The following EXOC4 variants were observed in gnomAD, a reference collection of about 807,000 sequenced individuals.
EXOC4 encodes SEC8-like 1.
A neutral mutation model predicts 107.2 loss-of-function variants in EXOC4; 71 were observed. That is an observed-to-expected ratio of 0.66 (90% CI 0.55 to 0.81). EXOC4 has a LOEUF of 0.81. Ranked by LOEUF, EXOC4 falls within the 30% of genes least tolerant of loss-of-function variation. The pLI is 0.00. For missense variants in EXOC4, 1,108 were observed against 1,189.6 expected (o/e 0.93, Z 1.01); for synonymous variants, 456 against 441.2 (o/e 1.03, Z -0.42).
intron 7 of EXOC4, among the ~76,000 whole-genome samples, chr7:133,432,735 C>G (rs1464570403): frequency 6.6e-6 from 1 of 152,220 alleles, no homozygotes; most frequent in Non-Finnish European, 1.5e-5. Flanking sequence ...AATGCTACTA[C>G]TATTGCTTAC....
intron 9 of EXOC4, among the ~76,000 whole-genome samples, chr7:133,578,025 C>A (rs1177674333): frequency 6.6e-6 from 1 of 152,122 alleles, no homozygotes; most frequent in Non-Finnish European, 1.5e-5. Flanking sequence ...CATAGGGATT[C>A]TTTTAATAAC....
chr7:133,959,859 A>AACCACACT (rs1800901800), intron 14 of EXOC4, among the ~76,000 whole-genome samples: 1 of 152,204 alleles, frequency 6.6e-6, no homozygotes, highest in Non-Finnish European at 1.5e-5. Flanking sequence ...TTGTTTATCT[A>AACCACACT]ACCACACTAC....
rs564746897 is a variant in EXOC4, at chr7:134,055,484, G to A, written c.2688-8807G>A. On this transcript the variant is annotated intron_variant, in intron 17 of 17. Transcript: ENST00000253861. ...GCCTCACTGGCATCATGCTCATCAC[G>A]CTTTCGTTGATGGGAGCATATGTTC... 2.0e-5 allele frequency among the ~76,000 whole-genome samples: 3 copies of A among 152,236 alleles called. No homozygotes were observed. The East Asian group carries it at 5.8e-4, about 29-fold the overall frequency.
At chr7:133,450,664 T>G (rs114438230) in intron 7 of EXOC4, among the ~76,000 whole-genome samples, 3,383 of 152,324 alleles carry the variant, frequency 0.022, 92 homozygotes, top group African/African-American at 0.067. Flanking sequence ...TGTACACATA[T>G]GCCAGCTCAA....
chr7:133,299,961 A>T (rs1794607439), intron 3 of EXOC4, among the ~76,000 whole-genome samples: 1 of 152,072 alleles, frequency 6.6e-6, no homozygotes, highest in East Asian at 1.9e-4. Flanking sequence ...ACAACCCCTC[A>T]TTTGAGCTGA....
At chr7:133,797,385 A>G (rs2151191258) in intron 10 of EXOC4, among the ~76,000 whole-genome samples, 1 of 152,240 alleles carries the variant, frequency 6.6e-6, no homozygotes, top group East Asian at 1.9e-4. Flanking sequence ...CTGCCCAAGT[A>G]GTATCATTAG....
chr7:133,906,823 C>CT (rs1164988063), intron 12 of EXOC4, among the ~76,000 whole-genome samples: 1 of 152,232 alleles, frequency 6.6e-6, no homozygotes, highest in Non-Finnish European at 1.5e-5. Flanking sequence ...CTTGCCATTG[C>CT]TCCTGCACAG....
At chr7:133,259,746 C>T (rs1025725875) in intron 1 of EXOC4, among the ~76,000 whole-genome samples, 5 of 152,160 alleles carry the variant, frequency 3.3e-5, no homozygotes, top group African/African-American at 9.7e-5. Flanking sequence ...TAATCCCAGA[C>T]CCCTCCCTTT....
chr7:133,657,947 C>G (rs1412948157), intron 10 of EXOC4, among the ~76,000 whole-genome samples: 1 of 152,166 alleles, frequency 6.6e-6, no homozygotes, highest in Non-Finnish European at 1.5e-5. Flanking sequence ...TTCCAACCCT[C>G]ATGGTGCTCA....
chr7:133,258,295 G>A (rs1289128004), intron 1 of EXOC4, among the ~76,000 whole-genome samples: 1 of 152,172 alleles, frequency 6.6e-6, no homozygotes, highest in African/African-American at 2.4e-5. Flanking sequence ...TGTTAACACT[G>A]GGATTTCCTG....
chr7:133,812,311 C>A (rs1797252309), intron 10 of EXOC4, among the ~76,000 whole-genome samples: 1 of 152,176 alleles, frequency 6.6e-6, no homozygotes, highest in Non-Finnish European at 1.5e-5. Context: ...CCTCATTAAA[C>A]CATCAAAACA....
intron 17 of EXOC4, among the ~76,000 whole-genome samples, chr7:134,011,288 C>T (rs543065929): frequency 2.0e-5 from 3 of 152,222 alleles, no homozygotes; most frequent in South Asian, 2.1e-4. Context: ...TGATTGGAGT[C>T]CCCAAGATAT....
chr7:133,287,088 T>C (rs1794296895), intron 2 of EXOC4, among the ~76,000 whole-genome samples: 2 of 152,310 alleles, frequency 1.3e-5, no homozygotes, highest in East Asian at 3.9e-4. Flanking sequence ...GGCCTGCTAA[T>C]TTAGTTGCCT....
chr7:133,925,734 C>T (rs1800035390), intron 13 of EXOC4, among the ~76,000 whole-genome samples: 1 of 152,130 alleles, frequency 6.6e-6, no homozygotes, highest in Non-Finnish European at 1.5e-5. Flanking sequence ...ATAAAACCTA[C>T]AGATTAGTCT....
intron 14 of EXOC4, among the ~76,000 whole-genome samples, chr7:133,985,845 C>T (rs778116751): frequency 6.6e-6 from 1 of 152,138 alleles, no homozygotes; most frequent in Non-Finnish European, 1.5e-5. Flanking sequence ...CACCTTCTCC[C>T]GATCCTCCAG....
At chr7:133,626,196 G>T (rs533334844) in intron 9 of EXOC4, among the ~76,000 whole-genome samples, 11 of 150,220 alleles carry the variant, frequency 7.3e-5, no homozygotes, top group Non-Finnish European at 1.3e-4. Context: ...AACAGAGCAA[G>T]ACTCCATCTC....
intron 10 of EXOC4, among the ~76,000 whole-genome samples, chr7:133,715,657 T>G (rs929670233): frequency 2.2e-4 from 33 of 152,182 alleles, no homozygotes; most frequent in African/African-American, 8.0e-4. Flanking sequence ...TCTGCTCTTG[T>G]CTGCTGAATT....
intron 9 of EXOC4, among the ~76,000 whole-genome samples, chr7:133,547,223 ATAGTG>A (rs1453367174): frequency 6.6e-6 from 1 of 152,196 alleles, no homozygotes; most frequent in Admixed American, 6.5e-5. Flanking sequence ...TGTTTACACT[ATAGTG>A]TAGTTTGTAA....
At chr7:133,783,410 T>C (rs1796506913) in intron 10 of EXOC4, among the ~76,000 whole-genome samples, 1 of 152,240 alleles carries the variant, frequency 6.6e-6, no homozygotes, top group Non-Finnish European at 1.5e-5. Flanking sequence ...CACTGCTATG[T>C]GTGACATCAT....
Sources: gnomAD v4.1 joint callset for allele counts (sites outside exome capture counted in the v4.1 genomes callset) on GRCh38, gnomAD v4.1.1 for gene constraint, MANE v1.5 for transcripts, NCBI Gene and HGNC (gene_info 2026-07-23, HGNC 2026-07-21) for gene names.